Variants in CAST observed in about 807,000 individuals in gnomAD.
CAST encodes calpastatin, also known as MIR583 host.
A neutral mutation model predicts 119.6 loss-of-function variants in CAST; 76 were observed. The ratio of observed to expected loss-of-function variants is 0.64; its 90% confidence interval spans 0.53 to 0.77. The LOEUF (loss-of-function observed/expected upper bound fraction) is 0.77, where lower values mean the gene tolerates loss of function less well. CAST is among the 30% of genes least tolerant of loss of function. The pLI is 0.00. For synonymous variants in CAST, 319 were observed against 331.6 expected, an observed-to-expected ratio of 0.96 and a Z score of 0.41; for missense variants, 953 against 946.5, an observed-to-expected ratio of 1.01 and a Z score of -0.09.
the CAST span, among the ~76,000 whole-genome samples, chr5:96,444,644 A>G: frequency 6.6e-6 from 1 of 152,126 alleles, no homozygotes; most frequent in African/African-American, 2.4e-5. Context: ...TATTTTATAA[A>G]TGTTCCTTTT....
At chr5:96,658,463 G>A (rs73774355), upstream of CAST, among the ~76,000 whole-genome samples, 12,576 of 152,218 alleles carry the variant, frequency 0.083, 648 homozygotes, top group African/African-American at 0.14. Flanking sequence ...CTGCTCAGCT[G>A]TGGCTCATTT....
chr5:96,145,140 A>C, the CAST span, among the ~76,000 whole-genome samples: 2 of 152,208 alleles, frequency 1.3e-5, no homozygotes, highest in Admixed American at 6.5e-5. Context: ...AGCTGTCTTC[A>C]GCTATCAGTT....
chr5:96,550,071 G>A (rs187040905), intron 1 of CAST, among the ~76,000 whole-genome samples: 23 of 152,330 alleles, frequency 1.5e-4, no homozygotes, highest in African/African-American at 5.1e-4. Context: ...CCAGCACAGC[G>A]TATGAGCTCT....
the CAST span, among the ~76,000 whole-genome samples, chr5:96,303,651 C>A: frequency 6.0e-5 from 9 of 149,896 alleles, no homozygotes. Context: ...CTCCCTGTGT[C>A]CATGTGTTCT....
intron 1 of CAST, among the ~76,000 whole-genome samples, chr5:96,603,696 A>G (rs1747200457): frequency 6.6e-6 from 1 of 152,070 alleles, no homozygotes; most frequent in Non-Finnish European, 1.5e-5. Context: ...TAGCAAATAC[A>G]TAAACGTGTT....
intron 1 of CAST, among the ~76,000 whole-genome samples, chr5:96,557,675 C>T (rs778518769): frequency 6.6e-6 from 1 of 152,172 alleles, no homozygotes; most frequent in Non-Finnish European, 1.5e-5. Flanking sequence ...TATATATGCA[C>T]CCAATACAGG....
the CAST span, among the ~76,000 whole-genome samples, chr5:95,975,528 A>C: frequency 6.6e-6 from 1 of 152,230 alleles, no homozygotes; most frequent in African/African-American, 2.4e-5. Flanking sequence ...ATTACCGTTC[A>C]ACTGAATTTT....
chr5:96,524,105 G>C (rs978329879), upstream of CAST, among the ~76,000 whole-genome samples: 3 of 152,164 alleles, frequency 2.0e-5, no homozygotes, highest in African/African-American at 7.2e-5. Flanking sequence ...ATAGATCATT[G>C]AATTTCTTGG....
intron 3 of CAST, among the ~76,000 whole-genome samples, chr5:96,716,484 C>T (rs910236311): frequency 4.6e-5 from 7 of 152,192 alleles, no homozygotes; most frequent in Admixed American, 4.6e-4. Context: ...GCATTTATCT[C>T]AGATACTTGT....
At chr5:96,176,610 G>T in the CAST span, among the ~76,000 whole-genome samples, 1 of 152,162 alleles carries the variant, frequency 6.6e-6, no homozygotes, top group African/African-American at 2.4e-5. Flanking sequence ...TAACACCAAA[G>T]AATATGTATA....
At chr5:96,141,349 G>T in the CAST span, among the ~76,000 whole-genome samples, 5 of 152,178 alleles carry the variant, frequency 3.3e-5, no homozygotes, top group African/African-American at 1.2e-4. Context: ...CCATCGCATA[G>T]AAATGGTTGG....
chr5:96,711,818 A>C (rs1294121835), intron 3 of CAST, among the ~76,000 whole-genome samples: 1 of 152,222 alleles, frequency 6.6e-6, no homozygotes, highest in Non-Finnish European at 1.5e-5. Context: ...AGGACTGCTG[A>C]AATTCTAATG....
At chr5:96,765,511 G>A (rs1197307408) in intron 26 of CAST, among the ~76,000 whole-genome samples, 186 bp downstream of exon 26, 1 of 152,120 alleles carries the variant, frequency 6.6e-6, no homozygotes, top group Non-Finnish European at 1.5e-5. Flanking sequence ...ATCTGTGACA[G>A]AGATACCAGC....
At chr5:96,576,575 C>A (rs996270533) in intron 1 of CAST, among the ~76,000 whole-genome samples, 1 of 151,928 alleles carries the variant, frequency 6.6e-6, no homozygotes, top group Non-Finnish European at 1.5e-5. Context: ...GAACTTCTGG[C>A]CTCAAGTGAT....
chr5:96,272,940 A>T, the CAST span, among the ~76,000 whole-genome samples: 1 of 152,224 alleles, frequency 6.6e-6, no homozygotes, highest in Non-Finnish European at 1.5e-5. Flanking sequence ...ATTTCATGAA[A>T]ATCAATTATT....
the CAST span, among the ~76,000 whole-genome samples, chr5:96,283,581 A>G: frequency 1.5e-4 from 23 of 152,190 alleles, no homozygotes; most frequent in Admixed American, 1.0e-3. Context: ...ACTGATGAAC[A>G]TTCTTAGCAT....
intron 1 of CAST, among the ~76,000 whole-genome samples, chr5:96,598,742 A>T (rs1378657035): frequency 6.6e-6 from 1 of 152,328 alleles, no homozygotes; most frequent in South Asian, 2.1e-4. Flanking sequence ...CATTTGAATC[A>T]GTAGACGGAG....
At chr5:96,054,295 G>A in the CAST span, among the ~76,000 whole-genome samples, 2 of 151,984 alleles carry the variant, frequency 1.3e-5, no homozygotes, top group South Asian at 4.2e-4. Flanking sequence ...AGACTGGAGT[G>A]CAGTGGCTAG....
the CAST span, among the ~76,000 whole-genome samples, chr5:96,393,954 T>G: frequency 1.3e-5 from 2 of 152,164 alleles, no homozygotes; most frequent in Non-Finnish European, 2.9e-5. Flanking sequence ...GTTTCAATAT[T>G]CCAACACTGA....
Sources: allele counts gnomAD v4.1 joint callset (sites outside exome capture counted in the v4.1 genomes callset), GRCh38; gene constraint gnomAD v4.1.1; transcripts MANE v1.5; gene names NCBI Gene and HGNC (gene_info 2026-07-23, HGNC 2026-07-21).